Variants in CMTM1 observed in about 807,000 individuals in gnomAD.
CMTM1 encodes CKLF like MARVEL transmembrane domain containing 1.
Under a neutral mutation model 17.8 loss-of-function variants are expected in CMTM1, and 16 were observed. That is an observed-to-expected ratio of 0.90 (90% CI 0.61 to 1.37). CMTM1 has a LOEUF of 1.37. CMTM1 is among the 40% of genes most tolerant of loss of function. The pLI is 0.00. For synonymous variants in CMTM1, 169 were observed against 154.6 expected (o/e 1.09, Z -0.69); for missense variants, 354 against 375.6 (o/e 0.94, Z 0.47).
chr16:66,568,007 T>C (rs2012848882), intron 1 of CMTM1, among the ~76,000 whole-genome samples: 1 of 152,230 alleles, frequency 6.6e-6, no homozygotes, highest in Non-Finnish European at 1.5e-5. Flanking sequence ...AAGTTAACTC[T>C]TTCAAGCCTT....
intron 1 of CMTM1, chr16:66,567,150 TTTTC>T (rs1280700677): frequency 9.4e-6 from 6 of 637,794 alleles, no homozygotes; most frequent in Non-Finnish European, 1.3e-5. Flanking sequence ...TTTCCCTATT[TTTTC>T]TTTTTTTTTT....
chr16:66,566,905 T>TCTCCTTCTC lies in CMTM1; in HGVS notation c.393_401dup (p.Ser132_Ser134dup). On this transcript the variant is annotated inframe_insertion, in exon 1 of 4. Coordinates refer to ENST00000379500, the MANE Select transcript of CMTM1 (RefSeq NM_052999.4). The surrounding 1 kb of genome is among the most constrained non-coding windows in gnomAD (Gnocchi z 4.9). The stretch of plus-strand genomic sequence containing the variant: ...AAATTCAGGGACAGCCTCAAACGTT[T>TCTCCTTCTC]CTCCTTCTCGCCCACTGGAATGTTG... 6.2e-7 allele frequency: 1 copy of TCTCCTTCTC among 1,614,000 alleles called. No homozygotes were observed.
At chr16:66,577,919 A>G (rs1258623236) in intron 3 of CMTM1, among the ~76,000 whole-genome samples, 1 of 152,264 alleles carries the variant, frequency 6.6e-6, no homozygotes, top group East Asian at 1.9e-4. Flanking sequence ...AATTCATTCT[A>G]TAATCAATAA....
At position 66,566,650 on chromosome 16, in the gene CMTM1, C is replaced by T. The variant is rs199952606; in HGVS notation, c.137C>T (p.Ala46Val). The change falls in exon 1 of 4, where the codon GCG becomes GTG. Residue 46 changes from alanine to valine, a missense_variant. Ala to Val is a moderately conservative substitution (Grantham distance 64). Transcript: ENST00000379500. This position sits in a 1 kb window ranked among gnomAD's most constrained non-coding sequence, Gnocchi z 4.9. ...SVPKAQRNISAKTAPRKHPAV... is the reference protein window; with the variant it reads ...SVPKAQRNISVKTAPRKHPAV... ...CCCAAGGCACAGCGCAACATCTCAG[C>T]GAAGACCGCACCCCGGAAGCACCCC... The T allele has an allele frequency of 8.0e-5, 129 of 1,613,886 alleles. 2 individuals carry two copies. In the South Asian group the frequency reaches 8.6e-4, roughly 11 times the overall value.
chr16:66,575,093 A>G (rs1402436032), intron 2 of CMTM1: 1 of 985,314 alleles, frequency 1.0e-6, no homozygotes, highest in African/African-American at 1.7e-5. Context: ...AGCATTAACT[A>G]CCAGGCACCA....
Position 66,566,665 on chromosome 16 carries a change from G to A in CMTM1, c.152G>A (p.Arg51Gln), listed in dbSNP as rs746785842. 3.1e-6 allele frequency: 5 copies of A among 1,614,064 alleles called. No homozygotes were observed. The highest frequency in any genetic ancestry group is 4.5e-5 in the East Asian group (2 of 44,874). Residue 51 changes from arginine to glutamine, a missense_variant, in exon 1 of 4, where the codon CGG becomes CAG. Coordinates refer to ENST00000379500, the MANE Select transcript of CMTM1 (RefSeq NM_052999.4). The surrounding 1 kb of genome is among the most constrained non-coding windows in gnomAD (Gnocchi z 4.9). Reference sequence around the variant, plus strand: ...AACATCTCAGCGAAGACCGCACCCCGGAAGCACCCCGCAGTCTCAATTCGC... The same window carrying A: ...AACATCTCAGCGAAGACCGCACCCCAGAAGCACCCCGCAGTCTCAATTCGC... ...QRNISAKTAPRKHPAVSIRSA... is the reference protein window; with the variant it reads ...QRNISAKTAPQKHPAVSIRSA...
intron 2 of CMTM1, chr16:66,571,247 C>A (rs112290648): frequency 6.7e-6 from 3 of 448,170 alleles, no homozygotes; most frequent in Admixed American, 5.0e-5. Flanking sequence ...AATCTCTGTC[C>A]GTGGAAATTT....
At chr16:66,574,611 G>T (rs1474993944) in intron 2 of CMTM1, among the ~76,000 whole-genome samples, 1 of 152,222 alleles carries the variant, frequency 6.6e-6, no homozygotes, top group Non-Finnish European at 1.5e-5. Context: ...TCAGGAGAGC[G>T]CTTCTTTGTA....
chr16:66,576,373 G>T (rs1442931399), intron 2 of CMTM1, among the ~76,000 whole-genome samples: 1 of 151,952 alleles, frequency 6.6e-6, no homozygotes, highest in Non-Finnish European at 1.5e-5. Context: ...ACTCTAGCCT[G>T]GGTGACAAGA....
Position 66,566,744 on chromosome 16 carries a change from C to A in CMTM1, c.231C>A (p.Pro77=). 6.2e-7 allele frequency: 1 copy of A among 1,613,882 alleles called. No individual in the cohort carries two copies. Among genetic ancestry groups the A allele is most frequent in the Middle Eastern group, 1.7e-4 (1 of 6,060 alleles). ...CCCAAGGCAGTGAGGGCACCGCACC[C>A]TCAAGGAAAGCCACCACACGCCCAC... The part of the protein sequence containing the change: ...ARPQGSEGTA[P]SRKATTRPPP... The change falls in exon 1 of 4, where the codon CCC becomes CCA. Residue 77 remains proline, a synonymous_variant. Coordinates refer to ENST00000379500, the MANE Select transcript of CMTM1 (RefSeq NM_052999.4). The surrounding 1 kb of genome is among the most constrained non-coding windows in gnomAD (Gnocchi z 4.9).
chr16:66,566,917 C>T lies in CMTM1; in HGVS notation c.404C>T (p.Pro135Leu). 1 of 1,614,172 alleles carries T rather than the reference C, an allele frequency of 6.2e-7. No homozygotes were observed. Among genetic ancestry groups the T allele is most frequent in the Non-Finnish European group, 8.5e-7 (1 of 1,180,034 alleles). Residue 135 changes from proline to leucine, a missense_variant, in exon 1 of 4, where the codon CCC becomes CTC. Pro to Leu is a moderately conservative substitution (Grantham distance 98). Coordinates refer to ENST00000379500, the MANE Select transcript of CMTM1 (RefSeq NM_052999.4). This position sits in a 1 kb window ranked among gnomAD's most constrained non-coding sequence, Gnocchi z 4.9. Reference protein sequence around the residue: ...RDSLKRFSFSPTGMLKILRLS... With the variant: ...RDSLKRFSFSLTGMLKILRLS... ...AGCCTCAAACGTTTCTCCTTCTCGC[C>T]CACTGGAATGTTGAAGATCCTGAGA...
chr16:66,567,241 G>A (rs1000211221), intron 1 of CMTM1: 2 of 475,018 alleles, frequency 4.2e-6, no homozygotes, highest in South Asian at 4.3e-5. Context: ...ACGCGCCATG[G>A]TGGTTTGCTG....
chr16:66,574,916 T>C (rs891630680), intron 2 of CMTM1: 31 of 978,176 alleles, frequency 3.2e-5, no homozygotes, highest in African/African-American at 5.3e-5. Context: ...CATCTTTGAC[T>C]ACCTTGGTTT....
chr16:66,569,972 A>G lies in CMTM1; in HGVS notation c.469A>G (p.Thr157Ala). The G allele has an allele frequency of 6.2e-7, 1 of 1,612,046 alleles. No homozygotes were observed. The highest frequency in any genetic ancestry group is 2.2e-5 in the East Asian group (1 of 44,858). ...AGGAGCATTAGCTTGTTTCATCATC[A>G]CCCAAGCCAATGAGTCATTTATAAC... ...ILGALACFII[T>A]QANESFITIT... is the part of the protein sequence containing the mutation. Residue 157 changes from threonine to alanine, a missense_variant, in exon 2 of 4, where the codon ACC becomes GCC. Physicochemically the swap from Thr to Ala is moderately conservative, Grantham distance 58. Transcript: ENST00000379500.
At chr16:66,569,192 A>G (rs2013108794) in intron 1 of CMTM1, among the ~76,000 whole-genome samples, 1 of 152,240 alleles carries the variant, frequency 6.6e-6, no homozygotes, top group Non-Finnish European at 1.5e-5. Flanking sequence ...AAATAACTGG[A>G]AAGATATATT....
chr16:66,577,302 C>A, intron 3 of CMTM1, 100 bp downstream of exon 3: 1 of 793,512 alleles, frequency 1.3e-6, no homozygotes, highest in East Asian at 2.7e-5. Flanking sequence ...AGCAAAATCC[C>A]CACTGCCACC....
chr16:66,577,651 C>A (rs993465812), intron 3 of CMTM1, among the ~76,000 whole-genome samples: 14 of 152,144 alleles, frequency 9.2e-5, no homozygotes, highest in Non-Finnish European at 1.5e-4. Flanking sequence ...GAAACTGCCA[C>A]ATGTTGAAGT....
rs1483653941 is a variant in CMTM1, at chr16:66,571,201, C to G, written c.591+1107C>G. On this transcript the variant is annotated intron_variant, in intron 2 of 3. Transcript: ENST00000379500. ...ACTTTAATTGAACATGTGGAAGACC[C>G]TTTTAGTTATGGAGAGGTTTCTCAG... 3 of 457,078 alleles carry G rather than the reference C, an allele frequency of 6.6e-6. No homozygotes were observed. In the Admixed American group the frequency reaches 7.1e-5, roughly 11 times the overall value. The allele number at this position is 457,078 out of a possible 1,614,324, so 28.3% of individuals were successfully genotyped here. A position where few individuals can be genotyped will look rare whatever the true frequency, so the allele number is the denominator to read the frequency against.
In CMTM1 at chr16:66,566,440, C is replaced by T; in HGVS notation, c.-74C>T. ...GAGGTAGCCAACAGCCGTTGGGACG[C>T]GACGCTGGTTCCCAGGGGAGAGCCA... On this transcript the variant is annotated 5_prime_UTR_variant, in exon 1 of 4. Transcript: ENST00000379500. This position sits in a 1 kb window ranked among gnomAD's most constrained non-coding sequence, Gnocchi z 4.9. 8.8e-6 allele frequency: 13 copies of T among 1,481,806 alleles called. No individual in the cohort carries two copies. The South Asian group carries it at 1.6e-4, about 18-fold the overall frequency. 91.8% of individuals were successfully genotyped at this position (1,481,806 alleles called of 1,614,324 possible). A position where few individuals can be genotyped will look rare whatever the true frequency, so the allele number is the denominator to read the frequency against.
Sources: gnomAD v4.1 joint callset for allele counts (sites outside exome capture counted in the v4.1 genomes callset) on GRCh38, gnomAD v4.1.1 for gene constraint, Gnocchi (gnomAD v3.1) non-coding constraint, MANE v1.5 for transcripts, NCBI Gene and HGNC (gene_info 2026-07-23, HGNC 2026-07-21) for gene names.